Variants in KCNU1 observed in about 807,000 individuals in gnomAD.
KCNU1 encodes the protein potassium channel subfamily U member 1.
A neutral mutation model predicts 126.8 loss-of-function variants in KCNU1; 93 were observed. That is an observed-to-expected ratio of 0.73 (90% CI 0.62 to 0.87). KCNU1 has a LOEUF of 0.87. KCNU1 is among the 40% of genes least tolerant of loss of function. The pLI is 0.00. For synonymous variants in KCNU1, 523 were observed against 494.2 expected (o/e 1.06, Z -0.77); for missense variants, 1,330 against 1,367.1 (o/e 0.97, Z 0.43).
At chr8:36,870,508 A>T (rs1806063564) in intron 19 of KCNU1, among the ~76,000 whole-genome samples, 1 of 152,146 alleles carries the variant, frequency 6.6e-6, no homozygotes, top group South Asian at 2.1e-4. Flanking sequence ...CCCATCTTTT[A>T]GCCTCAATGA....
At chr8:36,790,193 A>C (rs969252813) in intron 2 of KCNU1, among the ~76,000 whole-genome samples, 2 of 152,246 alleles carry the variant, frequency 1.3e-5, no homozygotes, top group Admixed American at 6.5e-5. Flanking sequence ...TTCAACCATA[A>C]CCTTTGAAAT....
At chr8:36,820,792 T>G (rs1804095129) in intron 10 of KCNU1, among the ~76,000 whole-genome samples, 1 of 151,964 alleles carries the variant, frequency 6.6e-6, no homozygotes, top group South Asian at 2.1e-4. Context: ...GAATCAAGGA[T>G]GCAACTGTAA....
rs748683384 is a variant in KCNU1 at position 36,840,466 on chromosome 8, A to G, written c.1522A>G (p.Met508Val). ...GTGGCATGATTATGTATTCCAGGTT[A>G]TGCCTAAACAGACCTGGAAGAAACA... ...SLFVEQNKKV[M>V]PKQTWKKHFL... Residue 508 changes from methionine (M) to valine (V), a missense_variant, in exon 15 of 27, where the codon ATG (methionine) becomes GTG (valine). Around this residue, in one of 3 missense-constraint regions of KCNU1, gnomAD observed 1,054 missense variants for 1,053.9 expected, o/e 1.00. Transcript: ENST00000399881. 1.3e-6 allele frequency: 2 copies of G among 1,529,402 alleles called. No homozygotes were observed. Among genetic ancestry groups the G allele is most frequent in the East Asian group, 4.5e-5 (2 of 44,328 alleles). 94.7% of individuals were successfully genotyped at this position (1,529,402 alleles called of 1,614,324 possible). A position where few individuals can be genotyped will look rare whatever the true frequency, so the allele number is the denominator to read the frequency against.
At chr8:36,857,059 C>A (rs575597908) in intron 18 of KCNU1, among the ~76,000 whole-genome samples, 25 of 152,174 alleles carry the variant, frequency 1.6e-4, no homozygotes, top group Middle Eastern at 3.2e-3. Flanking sequence ...AGCCATTGCT[C>A]CCGAGCTTGC....
At chr8:36,875,032 G>A (rs1806229747) in intron 19 of KCNU1, among the ~76,000 whole-genome samples, 1 of 151,636 alleles carries the variant, frequency 6.6e-6, no homozygotes, top group African/African-American at 2.4e-5. Flanking sequence ...GAATGTAAGT[G>A]GTATTATATC....
intron 21 of KCNU1, among the ~76,000 whole-genome samples, chr8:36,910,072 A>G (rs1807806585): frequency 6.6e-6 from 1 of 152,102 alleles, no homozygotes; most frequent in Non-Finnish European, 1.5e-5. Context: ...CTGAACTTGC[A>G]TAGATCTATG....
intron 14 of KCNU1, among the ~76,000 whole-genome samples, chr8:36,839,636 C>T (rs1804877989): frequency 6.6e-6 from 1 of 152,106 alleles, no homozygotes; most frequent in Admixed American, 6.5e-5. Context: ...AACTGCATCA[C>T]GACCATCTGA....
At chr8:36,854,363 G>T (rs1367029850) in intron 18 of KCNU1, among the ~76,000 whole-genome samples, 5 of 151,804 alleles carry the variant, frequency 3.3e-5, no homozygotes, top group Non-Finnish European at 5.9e-5. Flanking sequence ...TGGTACACTT[G>T]ATAATGTCCC....
chr8:36,868,221 A>G (rs1228625143), intron 19 of KCNU1, among the ~76,000 whole-genome samples: 1 of 152,134 alleles, frequency 6.6e-6, no homozygotes, highest in Non-Finnish European at 1.5e-5. Flanking sequence ...AGTACCATAG[A>G]AAACAGTTTG....
chr8:36,889,274 T>C (rs1236584335), intron 19 of KCNU1: 4 of 530,896 alleles, frequency 7.5e-6, no homozygotes, highest in African/African-American at 1.9e-5. Context: ...CCATATATGA[T>C]TTTTTAAGGA....
intron 10 of KCNU1, among the ~76,000 whole-genome samples, chr8:36,830,079 ATTTT>A (rs1804475192): frequency 6.7e-6 from 1 of 149,484 alleles, no homozygotes; most frequent in South Asian, 2.1e-4. Context: ...ATTTATCTTT[ATTTT>A]ATCTTTGTAA....
intron 19 of KCNU1, among the ~76,000 whole-genome samples, chr8:36,881,877 A>G (rs555451793): frequency 6.6e-6 from 1 of 151,882 alleles, no homozygotes; most frequent in South Asian, 2.1e-4. Flanking sequence ...TTTGTCAAAG[A>G]TAGGTATTTG....
chr8:36,933,250 T>C (rs527581733), intron 26 of KCNU1, among the ~76,000 whole-genome samples: 1 of 152,066 alleles, frequency 6.6e-6, no homozygotes, highest in African/African-American at 2.4e-5. Flanking sequence ...ATAAGAAGAA[T>C]GGAGTCTCTG....
intron 24 of KCNU1, chr8:36,928,776 C>T (rs553989815): frequency 4.1e-6 from 2 of 489,710 alleles, no homozygotes; most frequent in East Asian, 6.9e-5. Context: ...CAGACACAGC[C>T]TATCTTCTGA....
chr8:36,859,089 G>A (rs749150919), intron 18 of KCNU1, among the ~76,000 whole-genome samples: 1 of 152,140 alleles, frequency 6.6e-6, no homozygotes, highest in African/African-American at 2.4e-5. Flanking sequence ...AGAGTACCAT[G>A]AAATGCTCAC....
Position 36,815,591 on chromosome 8 carries a change from T to G in KCNU1, c.904-5T>G, listed in dbSNP as rs750460106. On this transcript the variant is annotated splice_polypyrimidine_tract_variant and splice_region_variant and intron_variant, in intron 8 of 26. Transcript: ENST00000399881. ...CTAAGGTTTTATTTTGCTGATCAAT[T>G]TTAGATATTATTTGCGAACTATATA... The G allele has an allele frequency of 1.3e-6, 2 of 1,484,502 alleles. No homozygotes were observed. Among genetic ancestry groups the G allele is most frequent in the South Asian group, 1.2e-5 (1 of 83,040 alleles). The allele number at this position is 1,484,502 out of a possible 1,614,324, so 92.0% of individuals were successfully genotyped here. A position where few individuals can be genotyped will look rare whatever the true frequency, so the allele number is the denominator to read the frequency against.
At chr8:36,892,340 T>A (rs891168057) in intron 19 of KCNU1, among the ~76,000 whole-genome samples, 1 of 152,136 alleles carries the variant, frequency 6.6e-6, no homozygotes, top group African/African-American at 2.4e-5. Context: ...TCACTGATAT[T>A]TTGTATTCAG....
chr8:36,920,656 A>G (rs1387622138), intron 23 of KCNU1, among the ~76,000 whole-genome samples: 1 of 152,168 alleles, frequency 6.6e-6, no homozygotes, highest in Non-Finnish European at 1.5e-5. Flanking sequence ...AGGAAAGCTG[A>G]GGCCACTAGT....
intron 19 of KCNU1, among the ~76,000 whole-genome samples, chr8:36,893,126 T>TA (rs1169916581): frequency 1.9e-4 from 28 of 144,886 alleles, no homozygotes; most frequent in Admixed American, 1.1e-3. Flanking sequence ...CATGCCTAGC[T>TA]ACTTTTTGTT....
Sources: allele counts gnomAD v4.1 joint callset (sites outside exome capture counted in the v4.1 genomes callset), GRCh38; gene constraint gnomAD v4.1.1; regional missense constraint gnomAD v4.1.1; transcripts MANE v1.5; gene names NCBI Gene and HGNC (gene_info 2026-07-23, HGNC 2026-07-21).